Variants in IL1RAP observed in about 807,000 individuals in gnomAD.
IL1RAP encodes interleukin-1 receptor accessory protein.
IL1RAP carries 35 observed loss-of-function variants against 60.7 expected under a neutral mutation model. The ratio of observed to expected loss-of-function variants is 0.58; its 90% CI spans 0.44 to 0.76. The LOEUF is 0.76. Ranked by LOEUF, IL1RAP falls within the 30% of genes least tolerant of loss-of-function variation. The probability of loss-of-function intolerance (pLI) is 0.00; values close to 1 mark genes in which losing one functional copy is unlikely to be tolerated. For missense variants in IL1RAP, 572 were observed against 693.9 expected, an observed-to-expected ratio of 0.82 and a Z score of 1.97; for synonymous variants, 268 against 250.9, an observed-to-expected ratio of 1.07 and a Z score of -0.64.
chr3:190,629,578 A>AC (rs1732605798), intron 9 of IL1RAP, 80 bp downstream of exon 9: 31 of 1,507,978 alleles, frequency 2.1e-5, no homozygotes, highest in Non-Finnish European at 2.5e-5. Context: ...GAGATTGAGA[A>AC]CAAGAGAGCT....
At chr3:190,628,350 G>A (rs2108815099) in intron 8 of IL1RAP, among the ~76,000 whole-genome samples, 1 of 152,248 alleles carries the variant, frequency 6.6e-6, no homozygotes, top group East Asian at 1.9e-4. Flanking sequence ...TAATAATAAT[G>A]AATAAATAAC....
At chr3:190,536,373 T>C (rs374149516) in intron 1 of IL1RAP, among the ~76,000 whole-genome samples, 7 of 152,200 alleles carry the variant, frequency 4.6e-5, no homozygotes, top group African/African-American at 1.7e-4. Flanking sequence ...TACTTGATAA[T>C]TGACACTGTC....
At chr3:190,537,470 T>C (rs1723564566) in intron 1 of IL1RAP, among the ~76,000 whole-genome samples, 1 of 152,128 alleles carries the variant, frequency 6.6e-6, no homozygotes, top group African/African-American at 2.4e-5. Context: ...TGACAGTAAA[T>C]ACGAATGATT....
At position 190,624,828 on chromosome 3, in the gene IL1RAP, G is replaced by A. The variant is rs1302857000; in HGVS notation, c.775+1413G>A. On this transcript the variant is annotated intron_variant, in intron 7 of 11. Transcript: ENST00000447382. Reference sequence around the variant, plus strand: ...GGTGCAAGACACATACAGCCCTGATGCGTATCTCTGGGCCCTATCTAAAGG... The same window carrying A: ...GGTGCAAGACACATACAGCCCTGATACGTATCTCTGGGCCCTATCTAAAGG... 2.5e-5 allele frequency: 4 copies of A among 161,440 alleles called. No individual in the cohort carries two copies. The South Asian group carries it at 5.9e-4, about 24-fold the overall frequency. The allele number at this position is 161,440 out of a possible 1,614,324, so 10.0% of individuals were successfully genotyped here. A position where few individuals can be genotyped will look rare whatever the true frequency, so the allele number is the denominator to read the frequency against.
chr3:190,616,087 G>A (rs9290939), intron 5 of IL1RAP, among the ~76,000 whole-genome samples: 14,429 of 151,988 alleles, frequency 0.095, 833 homozygotes, highest in African/African-American at 0.15. Flanking sequence ...AACATTTGAC[G>A]TAAGGTTTAG....
In IL1RAP at chr3:190,604,322, C is replaced by G; in HGVS notation, c.259C>G (p.Leu87Val). 6.2e-7 allele frequency: 1 copy of G among 1,613,990 alleles called. No individual in the cohort carries two copies. The highest frequency in any genetic ancestry group is 8.5e-7 in the Non-Finnish European group (1 of 1,179,974). ...CCTTGAGGAGCCAATTAACTTCCGC[C>G]TCCCCGAGAACCGCATTAGTAAGGA... ...RDLEEPINFR[L>V]PENRISKEKD... The change falls in exon 4 of 12, where the codon CTC becomes GTC. Residue 87 changes from leucine to valine, a missense_variant. Coordinates refer to ENST00000447382, the MANE Select transcript of IL1RAP (RefSeq NM_002182.4).
intron 9 of IL1RAP, among the ~76,000 whole-genome samples, chr3:190,638,889 G>A (rs1359763751): frequency 6.6e-6 from 1 of 152,006 alleles, no homozygotes; most frequent in Non-Finnish European, 1.5e-5. Context: ...TGTTGAAAGT[G>A]TATCTATTTC....
At chr3:190,654,211 CACACACACA>C (rs1734529082), downstream of IL1RAP, among the ~76,000 whole-genome samples, 1 of 151,692 alleles carries the variant, frequency 6.6e-6, no homozygotes, top group African/African-American at 2.4e-5. Context: ...CACACACACA[CACACACACA>C]CACACACACA....
At chr3:190,585,619 C>T (rs941334738) in intron 3 of IL1RAP, among the ~76,000 whole-genome samples, 111 of 152,134 alleles carry the variant, frequency 7.3e-4, no homozygotes, top group African/African-American at 2.5e-3. Flanking sequence ...TGAGACCAGC[C>T]TGGGCAACAG....
chr3:190,654,190 T>TCACACACACACACACACACACACACACA (rs57074064), downstream of IL1RAP, among the ~76,000 whole-genome samples: 1 of 140,414 alleles, frequency 7.1e-6, no homozygotes, highest in African/African-American at 2.7e-5. Context: ...AAACATCATA[T>TCACACACACACACACACACACACACACA]CACACACACA....
chr3:190,569,767 G>C (rs1357982453), intron 3 of IL1RAP, among the ~76,000 whole-genome samples: 2 of 152,100 alleles, frequency 1.3e-5, no homozygotes, highest in Non-Finnish European at 2.9e-5. Context: ...TCTAAGTTTA[G>C]AAAAATGACC....
intron 9 of IL1RAP, chr3:190,629,923 C>T: frequency 1.0e-6 from 1 of 957,828 alleles, no homozygotes; most frequent in Non-Finnish European, 1.2e-6. Flanking sequence ...CATCATCTGA[C>T]CTAAGACTTT....
At position 190,649,886 on chromosome 3, in the gene IL1RAP, T is replaced by C; in HGVS notation, c.*1181T>C. ...TTGCTGTTTTTAAGACTTGGAAAAC[T>C]AAGTGCAGAGTTTACAGAGTGGTAA... On this transcript the variant is annotated 3_prime_UTR_variant, in exon 12 of 12. Transcript: ENST00000447382. The C allele has an allele frequency of 2.0e-6, 2 of 983,414 alleles. No individual in the cohort carries two copies. The highest frequency in any genetic ancestry group is 9.4e-5 in the South Asian group (2 of 21,242). 60.9% of individuals were successfully genotyped at this position (983,414 alleles called of 1,614,324 possible). A position where few individuals can be genotyped will look rare whatever the true frequency, so the allele number is the denominator to read the frequency against.
chr3:190,531,666 A>C (rs1722994862), intron 1 of IL1RAP, among the ~76,000 whole-genome samples: 1 of 152,214 alleles, frequency 6.6e-6, no homozygotes, highest in Non-Finnish European at 1.5e-5. Flanking sequence ...ACACACTTAC[A>C]GTCAGTGCTG....
intron 5 of IL1RAP, among the ~76,000 whole-genome samples, chr3:190,612,792 G>A (rs962228781): frequency 5.9e-5 from 9 of 152,250 alleles, no homozygotes; most frequent in African/African-American, 1.7e-4. Context: ...AAATAAAACC[G>A]TCATAAGTTG....
intron 8 of IL1RAP, among the ~76,000 whole-genome samples, chr3:190,627,835 G>C (rs1235480012): frequency 2.0e-5 from 3 of 152,128 alleles, no homozygotes; most frequent in Non-Finnish European, 2.9e-5. Flanking sequence ...TGGGTACGTG[G>C]AAACCTACAG....
At chr3:190,576,070 A>T (rs1327662015) in intron 3 of IL1RAP, among the ~76,000 whole-genome samples, 1 of 152,202 alleles carries the variant, frequency 6.6e-6, no homozygotes, top group African/African-American at 2.4e-5. Context: ...TAGAAAAAAA[A>T]AATAGTTAAA....
chr3:190,593,703 A>G (rs1420775896), intron 3 of IL1RAP, among the ~76,000 whole-genome samples: 5 of 152,128 alleles, frequency 3.3e-5, no homozygotes, highest in African/African-American at 1.2e-4. Flanking sequence ...AGCACAGGAA[A>G]GACCCACCCC....
At chr3:190,644,180 T>C in intron 9 of IL1RAP, 68 bp from the exon 10 acceptor site, 1 of 1,541,406 alleles carries the variant, frequency 6.5e-7, no homozygotes, top group Non-Finnish European at 8.8e-7. Context: ...TCCAGCTATT[T>C]GCCGGGATGG....
Sources: gnomAD v4.1 joint callset for allele counts (sites outside exome capture counted in the v4.1 genomes callset) on GRCh38, gnomAD v4.1.1 for gene constraint, MANE v1.5 for transcripts, NCBI Gene and HGNC (gene_info 2026-07-23, HGNC 2026-07-21) for gene names.